CSMD1: variants seen among roughly 807,000 people sequenced by gnomAD.
CSMD1 encodes the protein CUB and sushi domain-containing protein 1.
CSMD1 carries 213 observed loss-of-function variants against 417.5 expected under a neutral mutation model. The observed-to-expected ratio is 0.51, with a 90% CI of 0.46 to 0.57. The LOEUF (loss-of-function observed/expected upper bound fraction) is 0.57. Ranked by LOEUF, CSMD1 falls within the 20% of genes least tolerant of loss-of-function variation. The probability of loss-of-function intolerance (pLI) is 0.00; values close to 1 mark genes in which losing one functional copy is unlikely to be tolerated. For synonymous variants in CSMD1, 2,862 were observed against 1,736.8 expected (o/e 1.65, Z -16.11); for missense variants, 6,923 against 4,529.7 (o/e 1.53, Z -15.17).
chr8:4,767,808 T>C (rs1812566932), intron 1 of CSMD1, among the ~76,000 whole-genome samples: 1 of 152,164 alleles, frequency 6.6e-6, no homozygotes, highest in African/African-American at 2.4e-5. Context: ...AAACACTTAT[T>C]TACCCGAGGC....
chr8:4,729,429 G>C (rs1809703303), intron 1 of CSMD1, among the ~76,000 whole-genome samples: 1 of 152,184 alleles, frequency 6.6e-6, no homozygotes, highest in Non-Finnish European at 1.5e-5. Flanking sequence ...CTTCTTCAAA[G>C]AGATTTGCGG....
chr8:4,895,574 AG>A, intron 1 of CSMD1, among the ~76,000 whole-genome samples: 1 of 152,232 alleles, frequency 6.6e-6, no homozygotes, highest in Non-Finnish European at 1.5e-5. Flanking sequence ...GCTGATTCAA[AG>A]GTATTGATTA....
intron 2 of CSMD1, among the ~76,000 whole-genome samples, chr8:4,448,245 A>G (rs1313832813): frequency 2.0e-5 from 3 of 152,224 alleles, no homozygotes; most frequent in Non-Finnish European, 4.4e-5. Flanking sequence ...GAAGGAATCA[A>G]AAGCCCATTT....
At chr8:3,307,333 C>T (rs902572926) in intron 25 of CSMD1, among the ~76,000 whole-genome samples, 3 of 152,028 alleles carry the variant, frequency 2.0e-5, no homozygotes, top group Non-Finnish European at 4.4e-5. Context: ...GCCCTCACAC[C>T]TAAGGAAGGT....
Position 3,742,049 on chromosome 8 carries a change from C to T in CSMD1, c.931+11881G>A, listed in dbSNP as rs936277769. ...TTCTCTCCTTTTCTTCCCAGCTTCA[C>T]ACTCATTCAGCACATTCTTGCCTCA... On this transcript the variant is annotated intron_variant, in intron 6 of 69. Coordinates refer to ENST00000635120, the MANE Select transcript of CSMD1 (RefSeq NM_033225.6). Among the ~76,000 whole-genome samples the T allele has an allele frequency of 5.9e-5, 9 of 151,274 alleles. No individual in the cohort carries two copies. The South Asian group carries it at 1.9e-3, about 32-fold the overall frequency.
chr8:4,135,026 T>G (rs1803331853), intron 3 of CSMD1, among the ~76,000 whole-genome samples: 1 of 152,130 alleles, frequency 6.6e-6, no homozygotes. Flanking sequence ...GATTATTTTG[T>G]GAGAGGATAG....
At chr8:3,553,368 A>C (rs140403430) in intron 10 of CSMD1, among the ~76,000 whole-genome samples, 2,140 of 152,318 alleles carry the variant, frequency 0.014, 45 homozygotes, top group African/African-American at 0.049. Flanking sequence ...TTTTTTAGAT[A>C]AATTGTTTCA....
chr8:4,337,888 T>C (rs1563070094), intron 3 of CSMD1, among the ~76,000 whole-genome samples: 1 of 152,170 alleles, frequency 6.6e-6, no homozygotes, highest in African/African-American at 2.4e-5. Context: ...TTTCTTCAGC[T>C]TAAGACAAAA....
At chr8:4,407,492 A>T (rs891569024) in intron 3 of CSMD1, among the ~76,000 whole-genome samples, 4 of 152,206 alleles carry the variant, frequency 2.6e-5, no homozygotes, top group African/African-American at 9.6e-5. Context: ...AATAAATTTC[A>T]TTGTACTCTG....
At chr8:3,740,593 G>A (rs547117204) in intron 6 of CSMD1, among the ~76,000 whole-genome samples, 1 of 152,166 alleles carries the variant, frequency 6.6e-6, no homozygotes, top group African/African-American at 2.4e-5. Context: ...GAAGGAGGAC[G>A]AGCAGGGGCT....
intron 7 of CSMD1, among the ~76,000 whole-genome samples, chr8:3,683,308 C>G (rs937091729): frequency 6.6e-6 from 1 of 152,084 alleles, no homozygotes; most frequent in Admixed American, 6.6e-5. Flanking sequence ...ATGGATCAGT[C>G]AAGGCAAAGT....
At chr8:4,697,472 G>T (rs1162051339) in intron 1 of CSMD1, among the ~76,000 whole-genome samples, 2 of 152,126 alleles carry the variant, frequency 1.3e-5, no homozygotes, top group Non-Finnish European at 2.9e-5. Flanking sequence ...AAATTTGGCA[G>T]CTATTAGGTA....
chr8:4,661,603 T>C (rs1178522338), intron 1 of CSMD1, among the ~76,000 whole-genome samples: 1 of 152,212 alleles, frequency 6.6e-6, no homozygotes, highest in Non-Finnish European at 1.5e-5. Context: ...TGTTGTACTA[T>C]TTCCTGGCTT....
chr8:3,533,131 A>G (rs1014442776), intron 10 of CSMD1, among the ~76,000 whole-genome samples: 1 of 152,202 alleles, frequency 6.6e-6, no homozygotes, highest in African/African-American at 2.4e-5. Flanking sequence ...GAAAGGACTT[A>G]TTTTTGCAGA....
intron 50 of CSMD1, 49 bp from the exon 51 acceptor site, chr8:3,029,562 A>G (rs1420826175): frequency 1.3e-6 from 2 of 1,497,856 alleles, no homozygotes; most frequent in East Asian, 4.9e-5. Flanking sequence ...TTTGGAAAAC[A>G]TCAGACCGTG....
chr8:3,340,170 C>T (rs7008166), intron 23 of CSMD1, among the ~76,000 whole-genome samples: 1 of 151,974 alleles, frequency 6.6e-6, no homozygotes, highest in Non-Finnish European at 1.5e-5. Context: ...AGTTAGAAGG[C>T]CTGGATTTGG....
intron 5 of CSMD1, among the ~76,000 whole-genome samples, chr8:3,857,004 G>C (rs1222165013): frequency 3.3e-5 from 5 of 152,026 alleles, no homozygotes; most frequent in African/African-American, 1.2e-4. Context: ...AGAAATTTTT[G>C]TAATGGCATG....
At chr8:3,367,731 G>A (rs1460039037) in intron 19 of CSMD1, among the ~76,000 whole-genome samples, 2 of 152,162 alleles carry the variant, frequency 1.3e-5, no homozygotes, top group African/African-American at 2.4e-5. Context: ...CATCAATATT[G>A]AGGAAATATG....
chr8:3,497,580 A>T (rs1585254908), intron 10 of CSMD1, among the ~76,000 whole-genome samples: 2 of 151,914 alleles, frequency 1.3e-5, no homozygotes, highest in African/African-American at 4.8e-5. Flanking sequence ...ACATTTTTTC[A>T]CTTAAAGTCC....
Sources: allele counts gnomAD v4.1 joint callset (sites outside exome capture counted in the v4.1 genomes callset), GRCh38; gene constraint gnomAD v4.1.1; transcripts MANE v1.5; gene names NCBI Gene and HGNC (gene_info 2026-07-23, HGNC 2026-07-21).